The following GARRE1 variants were observed in gnomAD, a reference collection of about 807,000 sequenced individuals.
GARRE1 encodes the protein granule associated Rac and RHOG effector 1.
Under a neutral mutation model 103.2 loss-of-function variants are expected in GARRE1, and 49 were observed. The ratio of observed to expected loss-of-function variants is 0.47; its 90% CI spans 0.38 to 0.60. The LOEUF (loss-of-function observed/expected upper bound fraction) is 0.60, where lower values mean the gene tolerates loss of function less well. Among genes scored for constraint, GARRE1 ranks in the 20% least tolerant of loss-of-function variants. GARRE1 has a pLI of 0.00. For missense variants in GARRE1, 1,199 were observed against 1,370.5 expected, an observed-to-expected ratio of 0.87 and a Z score of 1.98; for synonymous variants, 505 against 532.8, an observed-to-expected ratio of 0.95 and a Z score of 0.72.
chr19:34,283,016 T>C (rs2073864323), intron 1 of GARRE1, among the ~76,000 whole-genome samples: 1 of 152,242 alleles, frequency 6.6e-6, no homozygotes, highest in African/African-American at 2.4e-5. Flanking sequence ...GTGAATGTCT[T>C]TATTGTTATG....
In GARRE1 at chr19:34,353,063, A is replaced by C. The variant is rs1406564421; in HGVS notation, c.*108A>C. 12 of 1,045,368 alleles carry C rather than the reference A, an allele frequency of 1.1e-5. No individual in the cohort carries two copies. The highest frequency in any genetic ancestry group is 1.6e-5 in the Non-Finnish European group (12 of 739,298). The allele number at this position is 1,045,368 out of a possible 1,614,324, so 64.8% of individuals were successfully genotyped here. ...GCTGACACCAGCCCCTCAGAGGACC[A>C]GTGCGCCCCATCCCAGGGAGGGTTC... On this transcript the variant is annotated 3_prime_UTR_variant, in exon 14 of 14. Coordinates refer to ENST00000299505, the MANE Select transcript of GARRE1 (RefSeq NM_014686.5).
intron 1 of GARRE1, among the ~76,000 whole-genome samples, chr19:34,274,949 A>T (rs1360569959): frequency 6.6e-6 from 1 of 152,214 alleles, no homozygotes; most frequent in African/African-American, 2.4e-5. Context: ...ATGAATGTTG[A>T]GAATAAAATT....
At chr19:34,338,603 A>G (rs1301044633) in intron 8 of GARRE1, among the ~76,000 whole-genome samples, 1 of 152,100 alleles carries the variant, frequency 6.6e-6, no homozygotes, top group African/African-American at 2.4e-5. Flanking sequence ...AAATGATGAG[A>G]AGCAGTTGGC....
chr19:34,345,518 C>T (rs146027134), intron 10 of GARRE1, among the ~76,000 whole-genome samples: 2 of 152,234 alleles, frequency 1.3e-5, no homozygotes, highest in East Asian at 3.9e-4. Context: ...CAGTATTTGT[C>T]AGAATTGTGT....
chr19:34,258,967 A>G (rs894459354), intron 1 of GARRE1, among the ~76,000 whole-genome samples: 3 of 152,144 alleles, frequency 2.0e-5, no homozygotes, highest in African/African-American at 4.8e-5. Flanking sequence ...TGGGAGGCCA[A>G]GGTGGGAGGA....
intron 6 of GARRE1, among the ~76,000 whole-genome samples, chr19:34,329,953 C>T (rs1399292639): frequency 6.6e-6 from 1 of 152,084 alleles, no homozygotes; most frequent in Non-Finnish European, 1.5e-5. Context: ...TGGTGTGCAC[C>T]TACCTGTGTG....
At chr19:34,322,448 A>G (rs1315203731) in intron 3 of GARRE1, among the ~76,000 whole-genome samples, 1 of 152,138 alleles carries the variant, frequency 6.6e-6, no homozygotes. Context: ...CTGGGATTAC[A>G]GGTGTGAGCC....
intron 1 of GARRE1, among the ~76,000 whole-genome samples, chr19:34,284,344 C>T (rs1021383559): frequency 6.6e-5 from 10 of 152,136 alleles, no homozygotes; most frequent in Middle Eastern, 3.4e-3. Flanking sequence ...AGACTGGTCT[C>T]AAACTCCTGG....
intron 2 of GARRE1, among the ~76,000 whole-genome samples, chr19:34,306,691 G>T (rs144563158): frequency 6.6e-6 from 1 of 152,346 alleles, no homozygotes; most frequent in East Asian, 1.9e-4. Context: ...CACAGAGTCA[G>T]AAGACCTGGG....
At chr19:34,314,279 T>G (rs79928889) in intron 2 of GARRE1, among the ~76,000 whole-genome samples, 161 of 152,234 alleles carry the variant, frequency 1.1e-3, no homozygotes, top group Middle Eastern at 3.4e-3. Context: ...AAACTTCCTG[T>G]GTGTATTGAT....
rs182899823 is a variant in GARRE1, at chr19:34,279,331, C to T, written c.-795-20348C>T. Among the ~76,000 whole-genome samples the T allele has an allele frequency of 1.0e-3, 159 of 152,234 alleles. 2 individuals carry two copies. Among genetic ancestry groups the T allele is most frequent in the Middle Eastern group, 3.4e-3 (1 of 294 alleles). ...TTGTTTTGTTTTTGAGACAGTGTCTCGCTCTCCGTCCCAGGCTGGAGTTCA... is the reference window on the plus strand; with the variant it reads ...TTGTTTTGTTTTTGAGACAGTGTCTTGCTCTCCGTCCCAGGCTGGAGTTCA... On this transcript the variant is annotated intron_variant, in intron 1 of 13. Coordinates refer to ENST00000299505, the MANE Select transcript of GARRE1 (RefSeq NM_014686.5).
At chr19:34,273,829 T>C (rs1470159593) in intron 1 of GARRE1, among the ~76,000 whole-genome samples, 2 of 152,052 alleles carry the variant, frequency 1.3e-5, no homozygotes, top group South Asian at 2.1e-4. Context: ...AGAAATGAAA[T>C]GTGTGGCCAG....
intron 3 of GARRE1, among the ~76,000 whole-genome samples, chr19:34,323,156 C>T (rs1033608722): frequency 1.1e-4 from 17 of 151,062 alleles, no homozygotes; most frequent in Admixed American, 2.0e-4. Context: ...CTCAGCCTCC[C>T]GCGTAGCTGG....
chr19:34,345,223 G>A (rs969400679), intron 10 of GARRE1, among the ~76,000 whole-genome samples: 5 of 152,170 alleles, frequency 3.3e-5, no homozygotes, highest in African/African-American at 9.6e-5. Context: ...AAAGTGCTGG[G>A]ATTACAGGCA....
chr19:34,344,577 C>T (rs2145282223), intron 10 of GARRE1, among the ~76,000 whole-genome samples: 1 of 139,492 alleles, frequency 7.2e-6, no homozygotes, highest in South Asian at 2.3e-4. Context: ...GGCGACAGAG[C>T]GAGACTCCGT....
At chr19:34,256,166 G>A (rs1350572197) in intron 1 of GARRE1, among the ~76,000 whole-genome samples, 1 of 151,542 alleles carries the variant, frequency 6.6e-6, no homozygotes, top group African/African-American at 2.4e-5. Flanking sequence ...AGAATACATA[G>A]TATTTGTTTT....
intron 1 of GARRE1, among the ~76,000 whole-genome samples, chr19:34,269,473 G>A (rs2923793): frequency 0.95 from 144,864 of 152,340 alleles, 69,644 homozygotes; most frequent in African/African-American, 0.99. Context: ...TCATAGCTCA[G>A]TATAGGATAA....
chr19:34,256,744 A>G (rs1414939638), intron 1 of GARRE1, among the ~76,000 whole-genome samples: 1 of 152,162 alleles, frequency 6.6e-6, no homozygotes, highest in Middle Eastern at 3.2e-3. Context: ...CAAAGTTCAT[A>G]TTTACATTTT....
At chr19:34,334,575 T>C (rs1381057716) in intron 8 of GARRE1, among the ~76,000 whole-genome samples, 1 of 151,716 alleles carries the variant, frequency 6.6e-6, no homozygotes. Flanking sequence ...GGTGGGTGCC[T>C]GTAATTCCAG....
Sources: allele counts gnomAD v4.1 joint callset (sites outside exome capture counted in the v4.1 genomes callset), GRCh38; gene constraint gnomAD v4.1.1; transcripts MANE v1.5; gene names NCBI Gene and HGNC (gene_info 2026-07-23, HGNC 2026-07-21).